The following C1orf94 variants were observed in gnomAD, a reference collection of about 807,000 sequenced individuals.
C1orf94 encodes chromosome 1 open reading frame 94.
Under a neutral mutation model 53.6 loss-of-function variants are expected in C1orf94, and 45 were observed. The observed-to-expected ratio is 0.84, with a 90% CI of 0.66 to 1.08. The LOEUF (loss-of-function observed/expected upper bound fraction) is 1.08, where lower values mean the gene tolerates loss of function less well. Ranked by LOEUF, C1orf94 falls within the 50% of genes least tolerant of loss-of-function variation. The probability of loss-of-function intolerance (pLI) is 0.00; values close to 1 mark genes in which losing one functional copy is unlikely to be tolerated. For missense variants in C1orf94, 762 were observed against 738.9 expected, an observed-to-expected ratio of 1.03 and a Z score of -0.36; for synonymous variants, 304 against 296.1, an observed-to-expected ratio of 1.03 and a Z score of -0.27.
chr1:34,196,753 G>A (rs936422002), intron 1 of C1orf94, among the ~76,000 whole-genome samples: 2 of 152,178 alleles, frequency 1.3e-5, no homozygotes, highest in Non-Finnish European at 2.9e-5. Flanking sequence ...GCAGTGAGGT[G>A]ATGGGGGCTG....
rs1643039836 is a variant in C1orf94 at position 34,219,013 on chromosome 1, T to C, written c.*252T>C. The C allele has an allele frequency of 1.2e-5, 4 of 331,494 alleles. No individual in the cohort carries two copies. The highest frequency in any genetic ancestry group is 2.2e-5 in the Non-Finnish European group (4 of 184,076). The allele number at this position is 331,494 out of a possible 1,614,324, so 20.5% of individuals were successfully genotyped here. A position where few individuals can be genotyped will look rare whatever the true frequency, so the allele number is the denominator to read the frequency against. On this transcript the variant is annotated 3_prime_UTR_variant, in exon 7 of 7. Transcript: ENST00000488417. Reference sequence around the variant, plus strand: ...TCATACTTGCTTGCTCAACCACTTATGCATCTATATTTAGCTAACATGAGT... The same window carrying C: ...TCATACTTGCTTGCTCAACCACTTACGCATCTATATTTAGCTAACATGAGT...
chr1:34,193,287 C>G (rs1642524252), intron 1 of C1orf94, among the ~76,000 whole-genome samples: 1 of 152,116 alleles, frequency 6.6e-6, no homozygotes, highest in African/African-American at 2.4e-5. Flanking sequence ...GTCCCTGAGG[C>G]TCTGCCCCAG....
In C1orf94 at chr1:34,202,189, C is replaced by T. The variant is rs1272766387; in HGVS notation, c.1376C>T (p.Pro459Leu). The change falls in exon 4 of 7, where the codon CCA becomes CTA. Residue 459 changes from proline (P) to leucine (L), a missense_variant. Physicochemically the swap from Pro to Leu is moderately conservative, Grantham distance 98 (BLOSUM62 -3). Coordinates refer to ENST00000488417, the MANE Select transcript of C1orf94 (RefSeq NM_001134734.2). ...ATGACCTCAGCAACCCTGAACCAGCCACTCTGGCTCAACCTGAACTATCCA... is the reference window on the plus strand; with the variant it reads ...ATGACCTCAGCAACCCTGAACCAGCTACTCTGGCTCAACCTGAACTATCCA... Reference protein sequence around the residue: ...TAMTSATLNQPLWLNLNYPPP... With the variant: ...TAMTSATLNQLLWLNLNYPPP... 6.2e-7 allele frequency: 1 copy of T among 1,614,222 alleles called. No homozygotes were observed. The highest frequency in any genetic ancestry group is 2.2e-5 in the East Asian group (1 of 44,884).
Position 34,212,387 on chromosome 1 carries a change from C to T in C1orf94, c.1702C>T (p.Leu568Phe), listed in dbSNP as rs763256041. The T allele has an allele frequency of 9.3e-6, 15 of 1,612,060 alleles. No individual in the cohort carries two copies. The highest frequency in any genetic ancestry group is 2.2e-5 in the South Asian group (2 of 90,824). ...PLMAGDGPQYLFPQGYGFGST... is the reference protein window; with the variant it reads ...PLMAGDGPQYFFPQGYGFGST... ...AATGGCAGGAGATGGACCGCAGTAC[C>T]TCTTTCCCCAAGGATATGGGTGAGT... The change falls in exon 6 of 7, where the codon CTC (leucine) becomes TTC (phenylalanine). Residue 568 changes from leucine (L) to phenylalanine (F), a missense_variant. Coordinates refer to ENST00000488417, the MANE Select transcript of C1orf94 (RefSeq NM_001134734.2).
intron 1 of C1orf94, among the ~76,000 whole-genome samples, chr1:34,184,716 T>C (rs1325192370): frequency 6.6e-6 from 1 of 152,234 alleles, no homozygotes; most frequent in Non-Finnish European, 1.5e-5. Flanking sequence ...CTCGGCTTCC[T>C]TGCTTGAATG....
chr1:34,171,437 TG>T (rs1642143381), intron 1 of C1orf94, among the ~76,000 whole-genome samples: 1 of 150,854 alleles, frequency 6.6e-6, no homozygotes, highest in Non-Finnish European at 1.5e-5. Context: ...AGGGAATTTT[TG>T]CTGGATGAAT....
At chr1:34,189,152 T>C (rs1455989014) in intron 1 of C1orf94, among the ~76,000 whole-genome samples, 1 of 147,696 alleles carries the variant, frequency 6.8e-6, no homozygotes, top group African/African-American at 2.6e-5. Context: ...TGGATGTGTG[T>C]GCATGGCTGT....
intron 2 of C1orf94, among the ~76,000 whole-genome samples, chr1:34,200,447 A>C (rs901149410): frequency 6.6e-6 from 1 of 152,202 alleles, no homozygotes; most frequent in Non-Finnish European, 1.5e-5. Flanking sequence ...CAGGAAGATA[A>C]AGATGGATAG....
chr1:34,195,160 C>T (rs1409578866), intron 1 of C1orf94, among the ~76,000 whole-genome samples: 4 of 151,384 alleles, frequency 2.6e-5, no homozygotes, highest in Admixed American at 1.3e-4. Flanking sequence ...TCTTGCTGCA[C>T]ACATAGCTCC....
intron 6 of C1orf94, among the ~76,000 whole-genome samples, chr1:34,214,926 G>A (rs1051170853): frequency 6.6e-6 from 1 of 152,210 alleles, no homozygotes; most frequent in African/African-American, 2.4e-5. Flanking sequence ...AGTACCCAGA[G>A]GGGATGATCT....
intron 1 of C1orf94, among the ~76,000 whole-genome samples, chr1:34,187,785 C>T (rs1396506726): frequency 2.4e-5 from 3 of 125,352 alleles, no homozygotes; most frequent in African/African-American, 5.9e-5. Context: ...CCCCCCCCGC[C>T]GCCCCCCACC....
chr1:34,177,607 G>A lies in C1orf94; in HGVS notation c.-183G>A, dbSNP rs1642249091. Reference sequence around the variant, plus strand: ...AAGGGAGAGGGGGAGGGAGGCAAAAGTCAGGAAAGAGCAAATAAAAACAAA... The same window carrying A: ...AAGGGAGAGGGGGAGGGAGGCAAAAATCAGGAAAGAGCAAATAAAAACAAA... On this transcript the variant is annotated 5_prime_UTR_variant, in exon 1 of 7. Transcript: ENST00000488417. 1 of 556,080 alleles carries A rather than the reference G, an allele frequency of 1.8e-6. No homozygotes were observed. Among genetic ancestry groups the A allele is most frequent in the Non-Finnish European group, 3.1e-6 (1 of 320,594 alleles). 34.4% of individuals were successfully genotyped at this position (556,080 alleles called of 1,614,324 possible).
At chr1:34,203,994 C>T (rs926160602) in intron 4 of C1orf94, among the ~76,000 whole-genome samples, 5 of 152,122 alleles carry the variant, frequency 3.3e-5, no homozygotes, top group African/African-American at 1.2e-4. Flanking sequence ...AATTGTATGT[C>T]ATTGTATGGG....
At chr1:34,198,225 A>G (rs1216860791) in intron 2 of C1orf94, among the ~76,000 whole-genome samples, 2 of 152,334 alleles carry the variant, frequency 1.3e-5, no homozygotes, top group East Asian at 3.9e-4. Context: ...TCCAGAGTAC[A>G]TTGAAGGAAG....
At chr1:34,202,721 A>G (rs1011888952) in intron 4 of C1orf94, among the ~76,000 whole-genome samples, 1 of 152,124 alleles carries the variant, frequency 6.6e-6, no homozygotes, top group Non-Finnish European at 1.5e-5. Context: ...GGACAGTCCC[A>G]ATTTAGGTCT....
At chr1:34,168,134 C>T (rs556424478) in intron 1 of C1orf94, among the ~76,000 whole-genome samples, 2 of 152,128 alleles carry the variant, frequency 1.3e-5, no homozygotes, top group East Asian at 3.9e-4. Flanking sequence ...GAGATGGCAA[C>T]GGTGGAAGAT....
intron 1 of C1orf94, 36 bp downstream of exon 1, chr1:34,178,145 G>A (rs1571334618): frequency 2.0e-6 from 3 of 1,528,708 alleles, no homozygotes; most frequent in South Asian, 2.5e-5. Context: ...AGCAAGGGAG[G>A]AGGGAGGAGA....
chr1:34,181,090 C>G (rs1642306118), intron 1 of C1orf94, among the ~76,000 whole-genome samples: 1 of 152,152 alleles, frequency 6.6e-6, no homozygotes, highest in Non-Finnish European at 1.5e-5. Flanking sequence ...TGAAATATGT[C>G]TCTATCAAAC....
intron 1 of C1orf94, among the ~76,000 whole-genome samples, chr1:34,168,868 C>T (rs1419363898): frequency 2.6e-5 from 4 of 152,142 alleles, no homozygotes; most frequent in Non-Finnish European, 4.4e-5. Flanking sequence ...ACTAGGGGTT[C>T]GGACTTCAAC....
Sources: gnomAD v4.1 joint callset for allele counts (sites outside exome capture counted in the v4.1 genomes callset) on GRCh38, gnomAD v4.1.1 for gene constraint, MANE v1.5 for transcripts, NCBI Gene and HGNC (gene_info 2026-07-23, HGNC 2026-07-21) for gene names.